The following CUL4A variants were observed in gnomAD, a reference collection of about 807,000 sequenced individuals.
CUL4A encodes the protein cullin-4A.
A neutral mutation model predicts 95.5 loss-of-function variants in CUL4A; 16 were observed. The ratio of observed to expected loss-of-function variants is 0.17; its 90% CI spans 0.11 to 0.25. The LOEUF (loss-of-function observed/expected upper bound fraction) is 0.25. Among genes scored for constraint, CUL4A ranks in the 10% least tolerant of loss-of-function variants. The pLI is 1.00. For synonymous variants in CUL4A, 380 were observed against 353.1 expected, an observed-to-expected ratio of 1.08 and a Z score of -0.85; for missense variants, 610 against 937.0, an observed-to-expected ratio of 0.65 and a Z score of 4.56.
intron 2 of CUL4A, among the ~76,000 whole-genome samples, chr13:113,214,125 T>G (rs1260232409): frequency 2.0e-5 from 3 of 152,174 alleles, no homozygotes; most frequent in African/African-American, 7.2e-5. Context: ...AAGGTTTGGT[T>G]TCGTGTTTGG....
intron 1 of CUL4A, 56 bp downstream of exon 1, chr13:113,209,831 C>G (rs1472768010): frequency 8.6e-7 from 1 of 1,158,136 alleles, no homozygotes; most frequent in Non-Finnish European, 1.1e-6. Context: ...CCCCACGAGA[C>G]CCCGCCCGAC....
chr13:113,226,931 G>T lies in CUL4A; in HGVS notation c.369-1045G>T, dbSNP rs138560093. The stretch of plus-strand genomic sequence containing the variant: ...TCCAGGAGCCCCCCTGTGGGAGTAT[G>T]TTCAGTGTCTGCCCTTTGTGAAGTG... On this transcript the variant is annotated intron_variant, in intron 3 of 19. Coordinates refer to ENST00000375440, the MANE Select transcript of CUL4A (RefSeq NM_001008895.4). Among the ~76,000 whole-genome samples the T allele has an allele frequency of 2.0e-3, 309 of 152,306 alleles. 2 individuals carry two copies. The highest frequency in any genetic ancestry group is 3.5e-3 in the Non-Finnish European group (240 of 68,028).
intron 19 of CUL4A, among the ~76,000 whole-genome samples, chr13:113,262,535 G>T: frequency 6.6e-6 from 1 of 152,178 alleles, no homozygotes; most frequent in East Asian, 1.9e-4. Flanking sequence ...TGTGATCCCA[G>T]CTACTGGGGA....
At chr13:113,227,487 G>T (rs568784383) in intron 3 of CUL4A, among the ~76,000 whole-genome samples, 2 of 152,238 alleles carry the variant, frequency 1.3e-5, no homozygotes, top group Admixed American at 1.3e-4. Context: ...TTACCGTAGA[G>T]TGAGAGCTTC....
At position 113,236,236 on chromosome 13, in the gene CUL4A, A is replaced by G. The variant is rs188377319; in HGVS notation, c.849-587A>G. ...GTGGAGTTGGAGGAGCCTGTGGGAA[A>G]TCCAGGATCTCGAGGCAGGCCAGGG... On this transcript the variant is annotated intron_variant, in intron 8 of 19. Transcript: ENST00000375440. 5.7e-4 allele frequency among the ~76,000 whole-genome samples: 87 copies of G among 152,272 alleles called. 1 individual carries two copies. Among genetic ancestry groups the G allele is most frequent in the African/African-American group, 1.2e-3 (51 of 41,546 alleles).
In CUL4A at chr13:113,243,028, T is replaced by C; in HGVS notation, c.1096T>C (p.Leu366=). 6.2e-7 allele frequency: 1 copy of C among 1,614,152 alleles called. No homozygotes were observed. The highest frequency in any genetic ancestry group is 8.5e-7 in the Non-Finnish European group (1 of 1,180,012). The change falls in exon 11 of 20, where the codon TTG becomes CTG. Residue 366 remains leucine (L), a synonymous_variant. Transcript: ENST00000375440. The part of the protein sequence containing the change: ...EKDKDMVQDL[L]DFKDKVDHVI... ...AGACAAAGACATGGTCCAAGACCTG[T>C]TGGACTTCAAGGACAAGGTGGACCA... is the stretch of plus-strand genomic sequence containing the variant.
At chr13:113,251,906 G>A (rs1056310666) in intron 15 of CUL4A, among the ~76,000 whole-genome samples, 2 of 152,190 alleles carry the variant, frequency 1.3e-5, no homozygotes, top group Non-Finnish European at 1.5e-5. Context: ...TTGTGGAGTG[G>A]ACGAGAGCAG....
chr13:113,210,224 G>T, intron 2 of CUL4A, 136 bp downstream of exon 2: 2 of 539,892 alleles, frequency 3.7e-6, no homozygotes, highest in Non-Finnish European at 6.2e-6. Flanking sequence ...CTGCAGGGCC[G>T]GGAGCCCCAG....
At chr13:113,231,148 T>C (rs2041296664) in intron 5 of CUL4A, among the ~76,000 whole-genome samples, 2 of 152,194 alleles carry the variant, frequency 1.3e-5, no homozygotes, top group Admixed American at 6.5e-5. Flanking sequence ...TAAAATAGAA[T>C]AAATGATACC....
At chr13:113,229,810 C>T in intron 5 of CUL4A, 1 of 478,554 alleles carries the variant, frequency 2.1e-6, no homozygotes, top group African/African-American at 2.0e-5. Flanking sequence ...GGAGGTTGAG[C>T]CTGGAGCGGC....
intron 2 of CUL4A, among the ~76,000 whole-genome samples, chr13:113,214,034 T>C (rs1200114582): frequency 6.6e-6 from 1 of 152,210 alleles, no homozygotes; most frequent in Non-Finnish European, 1.5e-5. Context: ...CAAAATAAAG[T>C]CTCAGTTTTT....
chr13:113,240,163 G>A (rs1011161399), intron 10 of CUL4A, among the ~76,000 whole-genome samples: 16 of 152,114 alleles, frequency 1.1e-4, no homozygotes, highest in African/African-American at 3.9e-4. Flanking sequence ...CTGAAGACTA[G>A]GGGCTCTCGG....
At chr13:113,208,733 G>A (rs1282694941), upstream of CUL4A, 5 of 1,490,360 alleles carry the variant, frequency 3.4e-6, no homozygotes, top group East Asian at 2.6e-5. Flanking sequence ...GGCGCCCCCG[G>A]CCCCGCCGCG....
chr13:113,233,363 T>TA, intron 6 of CUL4A, 24 bp downstream of exon 6: 3 of 1,598,012 alleles, frequency 1.9e-6, no homozygotes, highest in African/African-American at 2.7e-5. Context: ...GTGCGGAAGA[T>TA]ACCTGGGTAC....
chr13:113,258,119 C>A (rs1454986077), intron 18 of CUL4A, among the ~76,000 whole-genome samples: 1 of 151,974 alleles, frequency 6.6e-6, no homozygotes, highest in Non-Finnish European at 1.5e-5. Context: ...GCGATCCTCC[C>A]ACCTCAGCCC....
Position 113,263,470 on chromosome 13 carries a change from T to C in CUL4A, c.2185-17T>C. 6.4e-7 allele frequency: 1 copy of C among 1,554,592 alleles called. No homozygotes were observed. ...TAATGCCATTGTAATTAGGGGGGTTTTATTCTTCTTTTTTAGCCTGGAGAT... is the reference window on the plus strand; with the variant it reads ...TAATGCCATTGTAATTAGGGGGGTTCTATTCTTCTTTTTTAGCCTGGAGAT... On this transcript the variant is annotated splice_polypyrimidine_tract_variant and intron_variant, in intron 19 of 19. Coordinates refer to ENST00000375440, the MANE Select transcript of CUL4A (RefSeq NM_001008895.4).
At chr13:113,232,413 T>C (rs1395678222) in intron 5 of CUL4A, among the ~76,000 whole-genome samples, 4 of 93,386 alleles carry the variant, frequency 4.3e-5, no homozygotes, top group Admixed American at 1.0e-4. Context: ...CCACCACCAC[T>C]ATTACTATTA....
chr13:113,216,411 AC>A (rs1432872251), intron 2 of CUL4A, among the ~76,000 whole-genome samples: 3 of 152,358 alleles, frequency 2.0e-5, no homozygotes, highest in South Asian at 4.1e-4. Context: ...CATTTGATGA[AC>A]CTGCTAGTTA....
At position 113,254,465 on chromosome 13, in the gene CUL4A, G is replaced by A. The variant is rs1246284911; in HGVS notation, c.1753-228G>A. 2.6e-5 allele frequency among the ~76,000 whole-genome samples: 4 copies of A among 152,030 alleles called. No individual in the cohort carries two copies. The South Asian group carries it at 8.3e-4, about 32-fold the overall frequency. ...TACAAAAAATTAGCCGGGCTTGGTA[G>A]GCACCAGTAGTCCCAGCTACTCGGG... On this transcript the variant is annotated intron_variant, in intron 16 of 19. Coordinates refer to ENST00000375440, the MANE Select transcript of CUL4A (RefSeq NM_001008895.4).
Sources: allele counts gnomAD v4.1 joint callset (sites outside exome capture counted in the v4.1 genomes callset), GRCh38; gene constraint gnomAD v4.1.1; transcripts MANE v1.5; gene names NCBI Gene and HGNC (gene_info 2026-07-23, HGNC 2026-07-21).